The following TBC1D31 variants were observed in gnomAD, a reference collection of about 807,000 sequenced individuals.
TBC1D31 encodes the protein WD repeat domain 67.
TBC1D31 carries 99 observed loss-of-function variants against 132.9 expected under a neutral mutation model. The ratio of observed to expected loss-of-function variants is 0.74; its 90% CI spans 0.63 to 0.88. The LOEUF (loss-of-function observed/expected upper bound fraction) is 0.88. TBC1D31 is among the 40% of genes least tolerant of loss of function. The pLI, the probability that TBC1D31 is intolerant of heterozygous loss-of-function variation, is 0.00. For synonymous variants in TBC1D31, 385 were observed against 419.4 expected, an observed-to-expected ratio of 0.92 and a Z score of 1.00; for missense variants, 1,134 against 1,256.6, an observed-to-expected ratio of 0.90 and a Z score of 1.48.
In TBC1D31 at chr8:123,072,726, ACGGTTACCCAGCGGGCCGCCGG is replaced by A; in HGVS notation, c.-39_-18del. ...CTGGGCCTGCCGGGAAGGCGCTGGG[ACGGTTACCCAGCGGGCCGCCGG>A]CGGTCGTGGGCAAGCTTCGCCATGC... is the stretch of plus-strand genomic sequence containing the variant. On this transcript the variant is annotated 5_prime_UTR_variant, in exon 1 of 22. Transcript: ENST00000287380. 1 of 1,541,968 alleles carries A rather than the reference ACGGTTACCCAGCGGGCCGCCGG, an allele frequency of 6.5e-7. No homozygotes were observed. The highest frequency in any genetic ancestry group is 1.2e-5 in the South Asian group (1 of 83,718).
intron 2 of TBC1D31, among the ~76,000 whole-genome samples, chr8:123,078,328 C>T (rs1814761322): frequency 6.6e-6 from 1 of 152,080 alleles, no homozygotes; most frequent in Non-Finnish European, 1.5e-5. Flanking sequence ...AAGAGACTTA[C>T]ATATATGGAG....
At chr8:123,135,594 CA>C (rs1297205151) in intron 17 of TBC1D31, among the ~76,000 whole-genome samples, 3 of 150,036 alleles carry the variant, frequency 2.0e-5, no homozygotes, top group African/African-American at 4.9e-5. Flanking sequence ...GACCCTGTCT[CA>C]AAAAAAAAGT....
intron 11 of TBC1D31, among the ~76,000 whole-genome samples, chr8:123,124,343 ACT>A (rs1448429024): frequency 6.6e-6 from 1 of 151,804 alleles, no homozygotes; most frequent in Non-Finnish European, 1.5e-5. Context: ...TTTAACAAAG[ACT>A]CTCCACACAA....
intron 16 of TBC1D31, 100 bp from the exon 17 acceptor site, chr8:123,134,014 A>C (rs1820852943): frequency 2.5e-6 from 2 of 810,242 alleles, no homozygotes; most frequent in Non-Finnish European, 3.8e-6. Context: ...TGTTATTTTA[A>C]ATACTGTTAG....
intron 7 of TBC1D31, 108 bp downstream of exon 7, chr8:123,101,115 C>T (rs2130369542): frequency 2.3e-6 from 2 of 851,842 alleles, no homozygotes; most frequent in South Asian, 3.4e-5. Flanking sequence ...GGAACTTATC[C>T]ATTTTTCTGG....
Position 123,126,515 on chromosome 8 carries a change from C to T in TBC1D31, c.1712C>T (p.Ala571Val), listed in dbSNP as rs760578691. ...IDHDITSQLY[A>V]WPLLETVFSE... ...TTTCCTTATCTGTTTTAGCTATATG[C>T]ATGGCCTCTTCTTGAAACTGTGTTC... The change falls in exon 13 of 22, where the codon GCA (alanine) becomes GTA (valine). Residue 571 changes from alanine to valine, a missense_variant. Coordinates refer to ENST00000287380, the MANE Select transcript of TBC1D31 (RefSeq NM_145647.4). The T allele has an allele frequency of 3.7e-6, 6 of 1,613,642 alleles. No individual in the cohort carries two copies. The highest frequency in any genetic ancestry group is 1.7e-6 in the Non-Finnish European group (2 of 1,179,848).
intron 5 of TBC1D31, among the ~76,000 whole-genome samples, chr8:123,094,890 T>C (rs1816706677): frequency 6.6e-6 from 1 of 152,252 alleles, no homozygotes; most frequent in African/African-American, 2.4e-5. Flanking sequence ...TATTGTCATA[T>C]ATCTAGTTAT....
chr8:123,159,281 A>G, the TBC1D31 span, among the ~76,000 whole-genome samples: 5 of 119,350 alleles, frequency 4.2e-5, no homozygotes, highest in African/African-American at 9.8e-5. Flanking sequence ...AAAAAAAAAA[A>G]AAGAAAAAGA....
At chr8:123,157,514 G>A in the TBC1D31 span, among the ~76,000 whole-genome samples, 2 of 152,060 alleles carry the variant, frequency 1.3e-5, no homozygotes, top group Admixed American at 1.3e-4. Context: ...CGGAGAAGGG[G>A]GATTTTTCCT....
the TBC1D31 span, among the ~76,000 whole-genome samples, chr8:123,164,249 G>A: frequency 3.9e-5 from 6 of 152,168 alleles, no homozygotes; most frequent in African/African-American, 1.4e-4. Flanking sequence ...AACAGCCCAA[G>A]GGACAAAGCC....
chr8:123,139,918 C>A (rs1406083981), intron 17 of TBC1D31, among the ~76,000 whole-genome samples: 3 of 152,090 alleles, frequency 2.0e-5, no homozygotes, highest in Admixed American at 6.5e-5. Context: ...TGAGTGAGAT[C>A]AAAAAAGACA....
In TBC1D31 at chr8:123,131,993, A is replaced by G. The variant is rs376234696; in HGVS notation, c.2406+1660A>G. Among the ~76,000 whole-genome samples the G allele has an allele frequency of 1.2e-4, 19 of 152,326 alleles. No individual in the cohort carries two copies. In the East Asian group the frequency reaches 2.3e-3, roughly 19 times the overall value. On this transcript the variant is annotated intron_variant, in intron 16 of 21. Transcript: ENST00000287380. ...GTCAAGTTAGACTTAACTTTCTGTC[A>G]GGTTAGCTTACTTATTTCCAAAAGG...
chr8:123,101,695 G>A (rs1817436228), intron 7 of TBC1D31, among the ~76,000 whole-genome samples: 1 of 152,168 alleles, frequency 6.6e-6, no homozygotes, highest in Non-Finnish European at 1.5e-5. Flanking sequence ...TTACAGGTGT[G>A]AGCCACCACG....
chr8:123,120,143 C>G lies in TBC1D31; in HGVS notation c.1525C>G (p.Gln509Glu). ...LLAFPFVKLF[Q>E]NNQLICFEVI... ...GGCATTTCCATTTGTAAAATTATTCCAGAACAACCAACTCATCTGTTTTGA... is the reference window on the plus strand; with the variant it reads ...GGCATTTCCATTTGTAAAATTATTCGAGAACAACCAACTCATCTGTTTTGA... Residue 509 changes from glutamine to glutamate, a missense_variant, in exon 11 of 22, where the codon CAG (glutamine) becomes GAG (glutamate). By Grantham distance (29) the Gln-to-Glu change is conservative (BLOSUM62 2). Transcript: ENST00000287380. 1 of 1,610,378 alleles carries G rather than the reference C, an allele frequency of 6.2e-7. No individual in the cohort carries two copies. The highest frequency in any genetic ancestry group is 1.1e-5 in the South Asian group (1 of 90,586).
downstream of TBC1D31, among the ~76,000 whole-genome samples, chr8:123,153,142 G>A (rs373412345): frequency 1.3e-5 from 2 of 152,192 alleles, no homozygotes; most frequent in East Asian, 1.9e-4. Context: ...TGCCTGCATG[G>A]GCCAAGCTGG....
intron 20 of TBC1D31, among the ~76,000 whole-genome samples, chr8:123,147,565 T>C (rs2130958190): frequency 6.6e-6 from 1 of 152,350 alleles, no homozygotes; most frequent in Admixed American, 6.5e-5. Context: ...GCTTTCGTCA[T>C]CGGTAGTTTT....
intron 17 of TBC1D31, 42 bp from the exon 18 acceptor site, chr8:123,140,719 T>C (rs1389757238): frequency 1.3e-6 from 2 of 1,510,056 alleles, no homozygotes; most frequent in African/African-American, 2.8e-5. Context: ...TATTCTAGCG[T>C]TATATAAATT....
intron 10 of TBC1D31, among the ~76,000 whole-genome samples, chr8:123,118,204 A>G (rs1179637199): frequency 6.6e-6 from 1 of 152,174 alleles, no homozygotes; most frequent in Admixed American, 6.5e-5. Context: ...AAATAACGGA[A>G]AAATGATATC....
At chr8:123,081,351 T>TCTG (rs1255732340) in intron 2 of TBC1D31, among the ~76,000 whole-genome samples, 1 of 151,098 alleles carries the variant, frequency 6.6e-6, no homozygotes, top group Non-Finnish European at 1.5e-5. Context: ...TAGACCTACT[T>TCTG]CTGCTACTAC....
Sources: gnomAD v4.1 joint callset for allele counts (sites outside exome capture counted in the v4.1 genomes callset) on GRCh38, gnomAD v4.1.1 for gene constraint, MANE v1.5 for transcripts, NCBI Gene and HGNC (gene_info 2026-07-23, HGNC 2026-07-21) for gene names.